The following CDH1 variants were observed in gnomAD, a reference collection of about 807,000 sequenced individuals.
CDH1 encodes cadherin 1, also known as cadherin-1.
In CDH1, 35 loss-of-function variants were observed where a neutral mutation model predicts 84.5. That is an observed-to-expected ratio of 0.41 (90% CI 0.32 to 0.55). The LOEUF is 0.55. CDH1 is among the 20% of genes least tolerant of loss of function. The pLI, the probability that CDH1 is intolerant of heterozygous loss-of-function variation, is 0.19. For synonymous variants in CDH1, 417 were observed against 439.0 expected (o/e 0.95, Z 0.63); for missense variants, 994 against 1,126.6 (o/e 0.88, Z 1.68).
Position 68,801,884 on chromosome 16 carries a change from G to A in CDH1, c.378G>A (p.Pro126=), listed in dbSNP as rs786201504. The A allele has an allele frequency of 8.1e-6, 13 of 1,612,956 alleles. No individual in the cohort carries two copies. The highest frequency in any genetic ancestry group is 5.3e-5 in the African/African-American group (4 of 74,850). ...LNTVGHHHRP[P]PHQASVSGIQ... is the part of the protein sequence containing the mutation. ...CAGTGGGGCACCACCACCGCCCCCC[G>A]CCCCATCAGGTATGTTGGCATTTTT... Residue 126 remains proline (P), a synonymous_variant, in exon 3 of 16, where the codon CCG becomes CCA. Transcript: ENST00000261769.
At chr16:68,804,177 G>A (rs1338251457) in intron 3 of CDH1, among the ~76,000 whole-genome samples, 2 of 131,342 alleles carry the variant, frequency 1.5e-5, no homozygotes, top group African/African-American at 2.8e-5. Context: ...GCAGTGGCGC[G>A]ATCTCAGCTC....
rs2152135179 is a variant in CDH1 at position 68,815,771 on chromosome 16, G to A, written c.1565+12G>A. On this transcript the variant is annotated intron_variant, in intron 10 of 15. Transcript: ENST00000261769. Reference sequence around the variant, plus strand: ...GAACAGAAAATAACGTAAGTGTGAGGATTTTTCAACTGACTTGCAGCAACT... The same window carrying A: ...GAACAGAAAATAACGTAAGTGTGAGAATTTTTCAACTGACTTGCAGCAACT... The A allele has an allele frequency of 1.2e-6, 2 of 1,614,114 alleles. No individual in the cohort carries two copies. Among genetic ancestry groups the A allele is most frequent in the Non-Finnish European group, 1.7e-6 (2 of 1,180,014 alleles).
At chr16:68,827,843 T>A (rs1771409187) in intron 13 of CDH1, among the ~76,000 whole-genome samples, 1 of 152,102 alleles carries the variant, frequency 6.6e-6, no homozygotes, top group Non-Finnish European at 1.5e-5. Context: ...AACATGCTCC[T>A]CCTGCCTCAG....
At position 68,769,392 on chromosome 16, in the gene CDH1, C is replaced by T. The variant is rs117498631; in HGVS notation, c.163+30981C>T. Among the ~76,000 whole-genome samples the T allele has an allele frequency of 9.8e-3, 1,485 of 152,190 alleles. 14 individuals carry two copies. Among genetic ancestry groups the T allele is most frequent in the Middle Eastern group, 0.065 (19 of 294 alleles). On this transcript the variant is annotated intron_variant, in intron 2 of 15. Coordinates refer to ENST00000261769, the MANE Select transcript of CDH1 (RefSeq NM_004360.5). ...CTGCTTTCTGATTCCTTTGAGGCAGCACATGGTAAGATGCCTCTAAATTGT... is the reference window on the plus strand; with the variant it reads ...CTGCTTTCTGATTCCTTTGAGGCAGTACATGGTAAGATGCCTCTAAATTGT...
intron 2 of CDH1, among the ~76,000 whole-genome samples, chr16:68,783,415 A>G (rs548138874): frequency 6.6e-6 from 1 of 151,562 alleles, no homozygotes; most frequent in Non-Finnish European, 1.5e-5. Flanking sequence ...GAAAAAAGAA[A>G]AAAAGAAAAA....
At chr16:68,820,499 C>T (rs867977586) in intron 11 of CDH1, among the ~76,000 whole-genome samples, 2 of 151,816 alleles carry the variant, frequency 1.3e-5, no homozygotes, top group South Asian at 4.2e-4. Context: ...TACAGGTGTG[C>T]ACCACCACGC....
At position 68,834,229 on chromosome 16, in the gene CDH1, C is replaced by T. The variant is rs1961577955; in HGVS notation, c.*730C>T. On this transcript the variant is annotated 3_prime_UTR_variant, in exon 16 of 16. Transcript: ENST00000261769. ...TTGGCCTCCCAGAGTATTGGGATTA[C>T]AGACATGAGCCACTGCACCTGCCCA... 1 of 504,828 alleles carries T rather than the reference C, an allele frequency of 2.0e-6. No individual in the cohort carries two copies. Among genetic ancestry groups the T allele is most frequent in the Middle Eastern group, 3.0e-4 (1 of 3,380 alleles). 31.3% of individuals were successfully genotyped at this position (504,828 alleles called of 1,614,324 possible). A position where few individuals can be genotyped will look rare whatever the true frequency, so the allele number is the denominator to read the frequency against.
intron 2 of CDH1, among the ~76,000 whole-genome samples, chr16:68,758,190 T>C (rs4783673): frequency 0.79 from 108,258 of 136,242 alleles, 43,804 homozygotes; most frequent in Non-Finnish European, 0.87. Context: ...TTGCCTAGGG[T>C]AGGCTTCTTT....
chr16:68,823,488 G>A lies in CDH1; in HGVS notation c.2026G>A (p.Asp676Asn), dbSNP rs115408226. The A allele has an allele frequency of 2.0e-5, 32 of 1,614,044 alleles. No homozygotes were observed. The highest frequency in any genetic ancestry group is 2.6e-5 in the Non-Finnish European group (31 of 1,179,968). ...CAAGCTCATGGATAACCAGAATAAAGACCAAGTGACCACCTTAGAGGTCAG... is the reference window on the plus strand; with the variant it reads ...CAAGCTCATGGATAACCAGAATAAAAACCAAGTGACCACCTTAGAGGTCAG... ...NLKLMDNQNK[D>N]QVTTLEVSVC... The change falls in exon 13 of 16, where the codon GAC becomes AAC. Residue 676 changes from aspartate to asparagine, a missense_variant. Transcript: ENST00000261769.
Position 68,737,456 on chromosome 16 carries a change from T to C in CDH1, c.41T>C (p.Leu14Pro). 6.5e-7 allele frequency: 1 copy of C among 1,537,118 alleles called. No homozygotes were observed. Among genetic ancestry groups the C allele is most frequent in the South Asian group, 1.2e-5 (1 of 84,016 alleles). ...CGCAGCCTCTCGGCGCTGCTGCTGCTGCTGCAGGTACCCCGGATCCCCTGA... is the reference window on the plus strand; with the variant it reads ...CGCAGCCTCTCGGCGCTGCTGCTGCCGCTGCAGGTACCCCGGATCCCCTGA... Reference protein sequence around the residue: ...WSRSLSALLLLLQVSSWLCQE... With the variant: ...WSRSLSALLLPLQVSSWLCQE... Residue 14 changes from leucine (L) to proline (P), a missense_variant, in exon 1 of 16, where the codon CTG becomes CCG. By Grantham distance (98) the Leu-to-Pro change is moderately conservative (BLOSUM62 -3). Coordinates refer to ENST00000261769, the MANE Select transcript of CDH1 (RefSeq NM_004360.5).
chr16:68,813,543 G>A lies in CDH1; in HGVS notation c.1320+48G>A, dbSNP rs766171011. ...TGCAGAAACTGGCATCCTCACAGCT[G>A]TTCATACCCTTGTCCCCTGGTATCT... is the stretch of plus-strand genomic sequence containing the variant. On this transcript the variant is annotated intron_variant, in intron 9 of 15. Transcript: ENST00000261769. The A allele has an allele frequency of 3.2e-6, 5 of 1,557,026 alleles. No homozygotes were observed. In the East Asian group the frequency reaches 9.0e-5, roughly 28 times the overall value.
Position 68,752,220 on chromosome 16 carries a change from G to A in CDH1, c.163+13809G>A, listed in dbSNP as rs570549991. Among the ~76,000 whole-genome samples, 138 of 152,278 alleles carry A rather than the reference G, an allele frequency of 9.1e-4. 2 individuals are homozygous for A. The highest frequency in any genetic ancestry group is 3.1e-3 in the African/African-American group (129 of 41,562). On this transcript the variant is annotated intron_variant, in intron 2 of 15. Coordinates refer to ENST00000261769, the MANE Select transcript of CDH1 (RefSeq NM_004360.5). ...ACCCGCCTTGGCCTCCCAAAGTGCTGCGATTACAGGCGTGAGCCACCACAC... is the reference window on the plus strand; with the variant it reads ...ACCCGCCTTGGCCTCCCAAAGTGCTACGATTACAGGCGTGAGCCACCACAC...
At position 68,815,504 on chromosome 16, in the gene CDH1, C is replaced by G. The variant is rs1184102281; in HGVS notation, c.1321-11C>G. The stretch of plus-strand genomic sequence containing the variant: ...CGTTTTGTTTTTAACTTCATTGTTT[C>G]TGCTCTCTAGGGCTTGGATTTTGAG... On this transcript the variant is annotated splice_polypyrimidine_tract_variant and intron_variant, in intron 9 of 15. Coordinates refer to ENST00000261769, the MANE Select transcript of CDH1 (RefSeq NM_004360.5). The G allele has an allele frequency of 9.3e-6, 15 of 1,614,018 alleles. 1 individual carries two copies. The South Asian group carries it at 1.5e-4, about 17-fold the overall frequency.
At chr16:68,787,643 C>T (rs1960092501) in intron 2 of CDH1, among the ~76,000 whole-genome samples, 1 of 151,456 alleles carries the variant, frequency 6.6e-6, no homozygotes, top group Non-Finnish European at 1.5e-5. Flanking sequence ...CATGCCCAGC[C>T]TATAACTATT....
rs778868539 is a variant in CDH1 at position 68,812,216 on chromosome 16, A to T, written c.1090A>T (p.Thr364Ser). 1.3e-5 allele frequency: 21 copies of T among 1,613,978 alleles called. No individual in the cohort carries two copies. Among genetic ancestry groups the T allele is most frequent in the Non-Finnish European group, 1.6e-5 (19 of 1,179,948 alleles). Residue 364 changes from threonine to serine, a missense_variant, in exon 8 of 16, where the codon ACA becomes TCA. Physicochemically the swap from Thr to Ser is moderately conservative, Grantham distance 58 (BLOSUM62 1). Coordinates refer to ENST00000261769, the MANE Select transcript of CDH1 (RefSeq NM_004360.5). ...GLSTTATAVI[T>S]VTDTNDNPPI... ...AAGCACAACAGCAACAGCTGTGATC[A>T]CAGTCACTGACACCAACGATAATCC...
intron 2 of CDH1, among the ~76,000 whole-genome samples, chr16:68,739,428 A>T (rs1962500260): frequency 6.6e-6 from 1 of 151,824 alleles, no homozygotes. Flanking sequence ...AAAAATAAAT[A>T]AAAAATAAAT....
chr16:68,760,652 TGTGTGA>T (rs1567482618), intron 2 of CDH1, among the ~76,000 whole-genome samples: 1 of 152,068 alleles, frequency 6.6e-6, no homozygotes, highest in Non-Finnish European at 1.5e-5. Context: ...TTCCGCACAG[TGTGTGA>T]GTGCCTTCTG....
chr16:68,743,762 A>T (rs889223744), intron 2 of CDH1, among the ~76,000 whole-genome samples: 5 of 152,330 alleles, frequency 3.3e-5, no homozygotes, highest in African/African-American at 1.2e-4. Flanking sequence ...GCTGTTTAGG[A>T]TCCTTCAGCG....
intron 10 of CDH1, among the ~76,000 whole-genome samples, chr16:68,817,128 G>A (rs558634979): frequency 6.6e-6 from 1 of 152,304 alleles, no homozygotes; most frequent in Admixed American, 6.5e-5. Context: ...GTTTCTTAGA[G>A]CCCTTTCCTC....
Sources: allele counts gnomAD v4.1 joint callset (sites outside exome capture counted in the v4.1 genomes callset), GRCh38; gene constraint gnomAD v4.1.1; transcripts MANE v1.5; gene names NCBI Gene and HGNC (gene_info 2026-07-23, HGNC 2026-07-21).